SPATA16: variants seen among roughly 807,000 people sequenced by gnomAD.
The protein encoded by SPATA16 is spermatogenesis associated 16, also known as spermatogenesis-associated protein 16.
SPATA16 carries 36 observed loss-of-function variants against 63.3 expected under a neutral mutation model. The observed-to-expected ratio is 0.57, with a 90% CI of 0.44 to 0.75. The LOEUF is 0.75. Among genes scored for constraint, SPATA16 ranks in the 30% least tolerant of loss-of-function variants. The probability of loss-of-function intolerance (pLI) is 0.00; values close to 1 mark genes in which losing one functional copy is unlikely to be tolerated. For missense variants in SPATA16, 646 were observed against 679.3 expected (o/e 0.95, Z 0.54); for synonymous variants, 203 against 216.7 (o/e 0.94, Z 0.56).
intron 5 of SPATA16, among the ~76,000 whole-genome samples, chr3:172,973,983 G>A (rs1734100660): frequency 6.6e-6 from 1 of 152,114 alleles, no homozygotes; most frequent in Admixed American, 6.6e-5. Context: ...AATAACATGT[G>A]CAAACACTTA....
chr3:173,075,677 G>T (rs183472372), intron 2 of SPATA16, among the ~76,000 whole-genome samples: 2 of 152,100 alleles, frequency 1.3e-5, no homozygotes, highest in African/African-American at 4.8e-5. Context: ...GGCACAGAAA[G>T]ACAAATATCA....
intron 6 of SPATA16, among the ~76,000 whole-genome samples, chr3:172,930,834 G>A (rs750320587): frequency 1.3e-5 from 2 of 150,516 alleles, no homozygotes; most frequent in African/African-American, 4.9e-5. Flanking sequence ...TTACAGGCGT[G>A]AGCCACCTTT....
At chr3:173,105,838 T>C (rs924886739) in intron 2 of SPATA16, among the ~76,000 whole-genome samples, 1 of 150,600 alleles carries the variant, frequency 6.6e-6, no homozygotes, top group Admixed American at 6.6e-5. Flanking sequence ...CTTTCCTTTC[T>C]CTCTCTCTTT....
chr3:173,099,958 T>A (rs1193183690), intron 2 of SPATA16, among the ~76,000 whole-genome samples: 3 of 152,208 alleles, frequency 2.0e-5, no homozygotes, highest in Admixed American at 6.5e-5. Flanking sequence ...AACTGTGTGA[T>A]TCCCTAAATG....
chr3:173,120,400 T>TG (rs1215347071), intron 1 of SPATA16, among the ~76,000 whole-genome samples: 1 of 152,202 alleles, frequency 6.6e-6, no homozygotes, highest in African/African-American at 2.4e-5. Context: ...GGGTTTCTGG[T>TG]TCATTTTAAT....
intron 6 of SPATA16, among the ~76,000 whole-genome samples, chr3:172,926,061 G>A (rs565445765): frequency 6.6e-6 from 1 of 152,142 alleles, no homozygotes; most frequent in South Asian, 2.1e-4. Flanking sequence ...CCTGACCTCA[G>A]GTGATCTACC....
rs748138381 is a variant in SPATA16, at chr3:172,952,628, A to G, written c.1081+4049T>C. Reference sequence around the variant, plus strand: ...AAGGGAGGCTGGAAATGGATTCTAGATGTATGACTGAGGTAAAAAGAAAAG... The same window carrying G: ...AAGGGAGGCTGGAAATGGATTCTAGGTGTATGACTGAGGTAAAAAGAAAAG... On this transcript the variant is annotated intron_variant, in intron 6 of 10. Coordinates refer to ENST00000351008, the MANE Select transcript of SPATA16 (RefSeq NM_031955.6). Among the ~76,000 whole-genome samples, 28 of 152,118 alleles carry G rather than the reference A, an allele frequency of 1.8e-4. 1 individual carries two copies. Among genetic ancestry groups the G allele is most frequent in the Admixed American group, 6.6e-5 (1 of 15,266 alleles).
At chr3:172,973,690 G>T (rs979904270) in intron 5 of SPATA16, among the ~76,000 whole-genome samples, 2 of 152,154 alleles carry the variant, frequency 1.3e-5, no homozygotes, top group Admixed American at 6.5e-5. Flanking sequence ...GCAGGGAGAG[G>T]TGGACTAGAT....
chr3:173,137,164 C>T (rs1169946882), intron 1 of SPATA16, among the ~76,000 whole-genome samples: 3 of 152,174 alleles, frequency 2.0e-5, no homozygotes, highest in African/African-American at 7.2e-5. Flanking sequence ...TTTAGGGCAA[C>T]ACCTCCAGGT....
At chr3:172,961,262 T>G (rs1289878953) in intron 5 of SPATA16, among the ~76,000 whole-genome samples, 1 of 152,146 alleles carries the variant, frequency 6.6e-6, no homozygotes, top group Non-Finnish European at 1.5e-5. Context: ...ATCAAATTAT[T>G]CCTTTCTTGC....
At chr3:173,059,832 CTTTTTTTTTTTTTTTTTT>C (rs201000096) in intron 2 of SPATA16, among the ~76,000 whole-genome samples, 5 of 71,304 alleles carry the variant, frequency 7.0e-5, no homozygotes, top group Admixed American at 1.8e-4. Flanking sequence ...CATTTGGTAG[CTTTTTTTTTTTTTTTTTT>C]TTTTTTTTTT....
chr3:173,028,033 T>C lies in SPATA16; in HGVS notation c.759-8458A>G, dbSNP rs868750077. Among the ~76,000 whole-genome samples, 53 of 72,044 alleles carry C rather than the reference T, an allele frequency of 7.4e-4. 1 individual carries two copies. Among genetic ancestry groups the C allele is most frequent in the African/African-American group, 3.7e-3 (49 of 13,396 alleles). 47.3% of individuals were successfully genotyped at this position (72,044 alleles called of 152,430 possible). On this transcript the variant is annotated intron_variant, in intron 3 of 10. Coordinates refer to ENST00000351008, the MANE Select transcript of SPATA16 (RefSeq NM_031955.6). ...TCCCTCCCTTCCTTCTTTCCTTCCT[T>C]CCTTCCTTCCTTCCTTCCTTCCTTC...
chr3:173,073,052 C>T (rs1399990487), intron 2 of SPATA16, among the ~76,000 whole-genome samples: 2 of 152,146 alleles, frequency 1.3e-5, no homozygotes, highest in East Asian at 1.9e-4. Flanking sequence ...AGCATTTTGC[C>T]ATTTTGCCTC....
rs1262855375 is a variant in SPATA16 at position 173,087,998 on chromosome 3, TTTTCTTTCCGTCTTTC to T, written c.612+29106_612+29121del. Among the ~76,000 whole-genome samples the T allele has an allele frequency of 5.1e-4, 75 of 146,376 alleles. 2 individuals are homozygous for T. Among genetic ancestry groups the T allele is most frequent in the African/African-American group, 1.9e-3 (73 of 38,392 alleles). On this transcript the variant is annotated intron_variant, in intron 2 of 10. Coordinates refer to ENST00000351008, the MANE Select transcript of SPATA16 (RefSeq NM_031955.6). The stretch of plus-strand genomic sequence containing the variant: ...ACCTTGGAGAATCTGATGATTAGCA[TTTTCTTTCCGTCTTTC>T]TTTCTTTCTTTCTTTCTTTCTTTCT...
intron 6 of SPATA16, among the ~76,000 whole-genome samples, chr3:172,939,312 G>A (rs1170113720): frequency 1.3e-5 from 2 of 152,088 alleles, no homozygotes; most frequent in Non-Finnish European, 2.9e-5. Context: ...TGGTCATAAT[G>A]TACCAAGCAA....
At chr3:172,940,610 G>C (rs1733121526) in intron 6 of SPATA16, among the ~76,000 whole-genome samples, 2 of 152,058 alleles carry the variant, frequency 1.3e-5, no homozygotes, top group East Asian at 3.8e-4. Context: ...CACATAGAAG[G>C]GAAAAACACA....
At chr3:173,054,527 C>T (rs764293401) in intron 2 of SPATA16, among the ~76,000 whole-genome samples, 1 of 152,080 alleles carries the variant, frequency 6.6e-6, no homozygotes, top group Non-Finnish European at 1.5e-5. Context: ...AGCAAACTAA[C>T]ACAGGAACAG....
intron 6 of SPATA16, among the ~76,000 whole-genome samples, chr3:172,930,366 T>C (rs1294874402): frequency 6.6e-6 from 1 of 152,122 alleles, no homozygotes; most frequent in East Asian, 1.9e-4. Flanking sequence ...GCTCTGCTGA[T>C]TTCACTGCCT....
chr3:173,135,450 C>T (rs1738518476), intron 1 of SPATA16, among the ~76,000 whole-genome samples: 1 of 152,142 alleles, frequency 6.6e-6, no homozygotes, highest in Non-Finnish European at 1.5e-5. Flanking sequence ...TTCCTATATA[C>T]CCAGCAGAAA....
Sources: gnomAD v4.1 joint callset for allele counts (sites outside exome capture counted in the v4.1 genomes callset) on GRCh38, gnomAD v4.1.1 for gene constraint, MANE v1.5 for transcripts, NCBI Gene and HGNC (gene_info 2026-07-23, HGNC 2026-07-21) for gene names.